Variants in MMACHC observed in about 807,000 individuals in gnomAD.
The protein encoded by MMACHC is metabolism of cobalamin associated C.
A neutral mutation model predicts 17.6 loss-of-function variants in MMACHC; 14 were observed. That is an observed-to-expected ratio of 0.80 (90% CI 0.53 to 1.25). The LOEUF (loss-of-function observed/expected upper bound fraction) is 1.25, where lower values mean the gene tolerates loss of function less well. Ranked by LOEUF, MMACHC falls within the 50% of genes most tolerant of loss-of-function variation. MMACHC has a pLI of 0.00. For missense variants in MMACHC, 392 were observed against 364.5 expected (o/e 1.08, Z -0.62); for synonymous variants, 151 against 142.1 (o/e 1.06, Z -0.45).
chr1:45,512,907 T>TA lies in MMACHC; in HGVS notation c.*3697dup, dbSNP rs1463140391. ...CTATATAATCAGACTCTAATCCCTG[T>TA]AAAAAGATTACTTGGTGCTAGCCAA... On this transcript the variant is annotated 3_prime_UTR_variant, in exon 4 of 4. Transcript: ENST00000401061. 1.3e-5 allele frequency: 2 copies of TA among 152,188 alleles called. No individual in the cohort carries two copies. 9.4% of individuals were successfully genotyped at this position (152,188 alleles called of 1,614,324 possible). A position where few individuals can be genotyped will look rare whatever the true frequency, so the allele number is the denominator to read the frequency against.
Position 45,511,187 on chromosome 1 carries a change from C to T in MMACHC, c.*1972C>T, listed in dbSNP as rs908210866. 3 of 705,828 alleles carry T rather than the reference C, an allele frequency of 4.3e-6. No individual in the cohort carries two copies. The Admixed American group carries it at 7.8e-5, about 18-fold the overall frequency. 43.7% of individuals were successfully genotyped at this position (705,828 alleles called of 1,614,324 possible). Reference sequence around the variant, plus strand: ...GAAGAAAGGCTGGTCTCTCCACCCCCTGTAGGAAAGGCCTGCCTTGTAAGA... The same window carrying T: ...GAAGAAAGGCTGGTCTCTCCACCCCTTGTAGGAAAGGCCTGCCTTGTAAGA... On this transcript the variant is annotated 3_prime_UTR_variant, in exon 4 of 4. Transcript: ENST00000401061.
At chr1:45,502,927 A>G (rs1643567010) in intron 1 of MMACHC, among the ~76,000 whole-genome samples, 1 of 150,294 alleles carries the variant, frequency 6.7e-6, no homozygotes, top group African/African-American at 2.5e-5. Flanking sequence ...CTGGTCTTGA[A>G]CTCCCGACCT....
In MMACHC at chr1:45,509,400, A is replaced by G. The variant is rs150453039; in HGVS notation, c.*185A>G. On this transcript the variant is annotated 3_prime_UTR_variant, in exon 4 of 4. Coordinates refer to ENST00000401061, the MANE Select transcript of MMACHC (RefSeq NM_015506.3). The stretch of plus-strand genomic sequence containing the variant: ...TAAAGGCCAGGGAACCAGAATTCCC[A>G]TCTGCCTTCAAATGAGTTTTTTTTT... 3 of 582,602 alleles carry G rather than the reference A, an allele frequency of 5.1e-6. No individual in the cohort carries two copies. The African/African-American group carries it at 6.0e-5, about 12-fold the overall frequency. The allele number at this position is 582,602 out of a possible 1,614,324, so 36.1% of individuals were successfully genotyped here.
Position 45,512,923 on chromosome 1 carries a change from TGCTAGCCAAGCTA to T in MMACHC, c.*3711_*3723del, listed in dbSNP as rs1325717614. On this transcript the variant is annotated 3_prime_UTR_variant, in exon 4 of 4. Transcript: ENST00000401061. Reference sequence around the variant, plus strand: ...TAATCCCTGTAAAAAGATTACTTGGTGCTAGCCAAGCTAGCACCTTTGGGTCTTCCCAAACATA... The same window carrying T: ...TAATCCCTGTAAAAAGATTACTTGGTGCACCTTTGGGTCTTCCCAAACATA... 6.6e-6 allele frequency: 1 copy of T among 152,192 alleles called. No individual in the cohort carries two copies. The highest frequency in any genetic ancestry group is 2.4e-5 in the African/African-American group (1 of 41,444). 9.4% of individuals were successfully genotyped at this position (152,192 alleles called of 1,614,324 possible).
Position 45,511,640 on chromosome 1 carries a change from C to A in MMACHC, c.*2425C>A. 8.1e-6 allele frequency: 3 copies of A among 372,228 alleles called. No homozygotes were observed. The highest frequency in any genetic ancestry group is 1.4e-5 in the Non-Finnish European group (3 of 208,468). 23.1% of individuals were successfully genotyped at this position (372,228 alleles called of 1,614,324 possible). ...TCATGCCTAATTTATTCATGTAGCA[C>A]TTGAAATTTAAATTTTCCACAAAAA... On this transcript the variant is annotated 3_prime_UTR_variant, in exon 4 of 4. Coordinates refer to ENST00000401061, the MANE Select transcript of MMACHC (RefSeq NM_015506.3).
intron 1 of MMACHC, among the ~76,000 whole-genome samples, chr1:45,505,419 G>A (rs1417046278): frequency 6.6e-6 from 1 of 151,882 alleles, no homozygotes; most frequent in African/African-American, 2.4e-5. Flanking sequence ...TTGCACTCCA[G>A]CCTGGCGACA....
chr1:45,504,080 T>C (rs1165728729), intron 1 of MMACHC, among the ~76,000 whole-genome samples: 1 of 152,190 alleles, frequency 6.6e-6, no homozygotes, highest in Non-Finnish European at 1.5e-5. Flanking sequence ...AAGTTTGCAT[T>C]AATCACATAT....
At chr1:45,506,456 C>T (rs1437287407) in intron 1 of MMACHC, among the ~76,000 whole-genome samples, 3 of 152,004 alleles carry the variant, frequency 2.0e-5, no homozygotes, top group Non-Finnish European at 4.4e-5. Flanking sequence ...CTCTGTGGGT[C>T]CTCGTTCCTG....
At position 45,500,393 on chromosome 1, in the gene MMACHC, T is replaced by C; in HGVS notation, c.61T>C (p.Phe21Leu). ...KIEDTLCPFGFEVYPFQVAWY... is the reference protein window; with the variant it reads ...KIEDTLCPFGLEVYPFQVAWY... ...CGAGGACACGCTATGTCCTTTTGGCTTCGAGGTTTACCCCTTCCAGGTTAG... is the reference window on the plus strand; with the variant it reads ...CGAGGACACGCTATGTCCTTTTGGCCTCGAGGTTTACCCCTTCCAGGTTAG... The change falls in exon 1 of 4, where the codon TTC becomes CTC. Residue 21 changes from phenylalanine to leucine, a missense_variant. Coordinates refer to ENST00000401061, the MANE Select transcript of MMACHC (RefSeq NM_015506.3). The C allele has an allele frequency of 6.2e-7, 1 of 1,614,190 alleles. No individual in the cohort carries two copies.
At position 45,509,432 on chromosome 1, in the gene MMACHC, T is replaced by TTTTTTTTTTTTTTG. The variant is rs1553163069; in HGVS notation, c.*217_*218insTTTTTTTTTTTTTG. The TTTTTTTTTTTTTTG allele has an allele frequency of 5.6e-6, 3 of 539,736 alleles. No homozygotes were observed. Among genetic ancestry groups the TTTTTTTTTTTTTTG allele is most frequent in the African/African-American group, 4.0e-5 (2 of 50,002 alleles). The allele number at this position is 539,736 out of a possible 1,614,324, so 33.4% of individuals were successfully genotyped here. On this transcript the variant is annotated 3_prime_UTR_variant, in exon 4 of 4. Transcript: ENST00000401061. ...TTCAAATGAGTTTTTTTTTTTTTTT[T>TTTTTTTTTTTTTTG]AGACAGAGTCTTACTCTGTCACCTA...
chr1:45,508,836 G>C lies in MMACHC; in HGVS notation c.470G>C (p.Trp157Ser), dbSNP rs1315916426. Residue 157 changes from tryptophan to serine, a missense_variant, in exon 4 of 4, where the codon TGG becomes TCG. Trp to Ser is a radical substitution (Grantham distance 177). Transcript: ENST00000401061. ...TGCATACACCCCCGATTTGGGGGCT[G>C]GTTTGCCATCCGAGGGGTAGTGCTG... is the stretch of plus-strand genomic sequence containing the variant. ...GVCIHPRFGG[W>S]FAIRGVVLLP... The C allele has an allele frequency of 1.9e-6, 3 of 1,614,162 alleles. No homozygotes were observed. Among genetic ancestry groups the C allele is most frequent in the East Asian group, 2.2e-5 (1 of 44,888 alleles).
rs776062162 is a variant in MMACHC at position 45,508,364 on chromosome 1, G to A, written c.429G>A (p.Gln143=). 2 of 1,614,178 alleles carry A rather than the reference G, an allele frequency of 1.2e-6. No individual in the cohort carries two copies. The highest frequency in any genetic ancestry group is 1.7e-6 in the Non-Finnish European group (2 of 1,180,038). The change falls in exon 3 of 4, where the codon CAG becomes CAA. Residue 143 remains glutamine (Q), a splice_region_variant and synonymous_variant. Transcript: ENST00000401061. ...TGGAGGCTGACCCATGGGGGAACCA[G>A]GTGAGAGGGAAAATGTAAATAGAGG... The part of the protein sequence containing the change: ...QDVEADPWGN[Q]RISGVCIHPR...
intron 1 of MMACHC, among the ~76,000 whole-genome samples, chr1:45,503,934 G>C (rs941670666): frequency 4.1e-4 from 63 of 152,212 alleles, no homozygotes; most frequent in African/African-American, 1.5e-3. Flanking sequence ...TCTTCGGTTT[G>C]GGCTTCTTGT....
At position 45,509,544 on chromosome 1, in the gene MMACHC, C is replaced by A; in HGVS notation, c.*329C>A. ...TTATCTGCCTCAGCCTCCTGAGTAGCTGGGATGACAGGTGCCTGCCACTAC... is the reference window on the plus strand; with the variant it reads ...TTATCTGCCTCAGCCTCCTGAGTAGATGGGATGACAGGTGCCTGCCACTAC... On this transcript the variant is annotated 3_prime_UTR_variant, in exon 4 of 4. Transcript: ENST00000401061. The A allele has an allele frequency of 4.2e-6, 1 of 238,034 alleles. No individual in the cohort carries two copies. Among genetic ancestry groups the A allele is most frequent in the Admixed American group, 5.3e-5 (1 of 18,960 alleles). 14.7% of individuals were successfully genotyped at this position (238,034 alleles called of 1,614,324 possible).
At position 45,509,099 on chromosome 1, in the gene MMACHC, T is replaced by C. The variant is rs779575471; in HGVS notation, c.733T>C (p.Ser245Pro). The C allele has an allele frequency of 7.4e-6, 12 of 1,612,280 alleles. No homozygotes were observed. In the African/African-American group the frequency reaches 1.5e-4, roughly 20 times the overall value. Residue 245 changes from serine (S) to proline (P), a missense_variant, in exon 4 of 4, where the codon TCT (serine) becomes CCT (proline). Transcript: ENST00000401061. The stretch of plus-strand genomic sequence containing the variant: ...GGCTCAGCCCTCAGAGAAGCCTAGT[T>C]CTCCCTCCCCGGACCTTCCCTTTAC... ...GLAQPSEKPS[S>P]PSPDLPFTTP...
Position 45,511,016 on chromosome 1 carries a change from A to G in MMACHC, c.*1801A>G, listed in dbSNP as rs956729351. 8 of 215,374 alleles carry G rather than the reference A, an allele frequency of 3.7e-5. No individual in the cohort carries two copies. Among genetic ancestry groups the G allele is most frequent in the Non-Finnish European group, 7.3e-5 (8 of 110,296 alleles). 13.3% of individuals were successfully genotyped at this position (215,374 alleles called of 1,614,324 possible). A position where few individuals can be genotyped will look rare whatever the true frequency, so the allele number is the denominator to read the frequency against. On this transcript the variant is annotated 3_prime_UTR_variant, in exon 4 of 4. Transcript: ENST00000401061. ...TAAATTCCTCTTAAAATCAAAAGCTAATAATATGCTTCCTAAAATAAAGAC... is the reference window on the plus strand; with the variant it reads ...TAAATTCCTCTTAAAATCAAAAGCTGATAATATGCTTCCTAAAATAAAGAC...
rs2149323564 is a variant in MMACHC, at chr1:45,508,281, C to G, written c.346C>G (p.Leu116Val). 6.2e-7 allele frequency: 1 copy of G among 1,614,212 alleles called. No individual in the cohort carries two copies. Among genetic ancestry groups the G allele is most frequent in the African/African-American group, 1.3e-5 (1 of 75,060 alleles). Residue 116 changes from leucine to valine, a missense_variant, in exon 3 of 4, where the codon CTG (leucine) becomes GTG (valine). Transcript: ENST00000401061. ...GCACCCCAACCGACGCCCCAAGATC[C>G]TGGCCCAGACAGCAGCCCATGTAGC... ...EVHPNRRPKI[L>V]AQTAAHVAGA...
intron 1 of MMACHC, among the ~76,000 whole-genome samples, chr1:45,503,549 C>T (rs1403194032): frequency 6.6e-6 from 1 of 150,854 alleles, no homozygotes; most frequent in African/African-American, 2.4e-5. Context: ...GATTCTCCCG[C>T]CTCAGCCTCC....
rs772548433 is a variant in MMACHC, at chr1:45,508,846, C to A, written c.480C>A (p.Ile160=). ...IHPRFGGWFA[I]RGVVLLPGIE... is the part of the protein sequence containing the mutation. ...CCCGATTTGGGGGCTGGTTTGCCAT[C>A]CGAGGGGTAGTGCTGCTGCCAGGGA... Residue 160 remains isoleucine (I), a synonymous_variant, in exon 4 of 4, where the codon ATC becomes ATA. Coordinates refer to ENST00000401061, the MANE Select transcript of MMACHC (RefSeq NM_015506.3). 6.2e-7 allele frequency: 1 copy of A among 1,614,160 alleles called. No individual in the cohort carries two copies. The highest frequency in any genetic ancestry group is 8.5e-7 in the Non-Finnish European group (1 of 1,180,018).
Sources: gnomAD v4.1 joint callset for allele counts (sites outside exome capture counted in the v4.1 genomes callset) on GRCh38, gnomAD v4.1.1 for gene constraint, MANE v1.5 for transcripts, NCBI Gene and HGNC (gene_info 2026-07-23, HGNC 2026-07-21) for gene names.